The following NCAPH variants were observed in gnomAD, a reference collection of about 807,000 sequenced individuals.
NCAPH encodes condensin complex subunit 2.
Under a neutral mutation model 85.5 loss-of-function variants are expected in NCAPH, and 38 were observed. That is an observed-to-expected ratio of 0.44 (90% confidence interval 0.34 to 0.58). The LOEUF is 0.58. Ranked by LOEUF, NCAPH falls within the 20% of genes least tolerant of loss-of-function variation. The probability of loss-of-function intolerance (pLI) is 0.01; values close to 1 mark genes in which losing one functional copy is unlikely to be tolerated. For synonymous variants in NCAPH, 301 were observed against 335.1 expected, an observed-to-expected ratio of 0.90 and a Z score of 1.11; for missense variants, 789 against 916.6, an observed-to-expected ratio of 0.86 and a Z score of 1.80.
chr2:96,367,528 A>G (rs1230833855), intron 15 of NCAPH, among the ~76,000 whole-genome samples, 155 bp downstream of exon 15: 1 of 152,202 alleles, frequency 6.6e-6, no homozygotes, highest in Non-Finnish European at 1.5e-5. Context: ...CACACGTGTA[A>G]TCCCAGCATT....
chr2:96,363,956 A>G (rs1290004144), intron 12 of NCAPH, among the ~76,000 whole-genome samples: 1 of 152,014 alleles, frequency 6.6e-6, no homozygotes, highest in East Asian at 1.9e-4. Flanking sequence ...GACCACAGGC[A>G]CACAGCACCA....
chr2:96,370,383 G>A (rs1363208673), intron 17 of NCAPH, among the ~76,000 whole-genome samples: 4 of 152,218 alleles, frequency 2.6e-5, no homozygotes, highest in Admixed American at 6.5e-5. Flanking sequence ...GGTTTTGGAG[G>A]GTGATTATGG....
In NCAPH at chr2:96,360,251, T is replaced by C. The variant is rs1271551992; in HGVS notation, c.1464+2T>C. ...GATGTATATTTTAGAAAAACAAAGG[T>C]TTGTACTGAATTTATTAGGATTGTG... On this transcript the variant is annotated splice_donor_variant, in intron 11 of 17. Transcript: ENST00000240423. LOFTEE classifies it high-confidence loss of function. The C allele has an allele frequency of 1.4e-6, 2 of 1,411,302 alleles. No individual in the cohort carries two copies. The highest frequency in any genetic ancestry group is 4.6e-5 in the East Asian group (2 of 43,814). The allele number at this position is 1,411,302 out of a possible 1,614,324, so 87.4% of individuals were successfully genotyped here.
chr2:96,344,019 G>A (rs1186044023), intron 5 of NCAPH, 86 bp from the exon 6 acceptor site: 11 of 1,509,084 alleles, frequency 7.3e-6, no homozygotes, highest in African/African-American at 2.8e-5. Flanking sequence ...TTTAAATTAC[G>A]ACAGGTTTTG....
At chr2:96,339,051 T>C (rs1014405233) in intron 1 of NCAPH, among the ~76,000 whole-genome samples, 2 of 152,148 alleles carry the variant, frequency 1.3e-5, no homozygotes, top group African/African-American at 4.8e-5. Context: ...GACCTCATGA[T>C]CTGCTCGCCT....
At chr2:96,342,006 T>A in intron 2 of NCAPH, 44 bp from the exon 3 acceptor site, 1 of 1,604,206 alleles carries the variant, frequency 6.2e-7, no homozygotes, top group Non-Finnish European at 8.5e-7. Context: ...ATTTAAACTA[T>A]CATGGATTCT....
intron 7 of NCAPH, among the ~76,000 whole-genome samples, chr2:96,352,549 G>A (rs1167572493): frequency 1.3e-5 from 2 of 152,136 alleles, no homozygotes; most frequent in Non-Finnish European, 2.9e-5. Context: ...ACGCCTCCAC[G>A]CCTGAGTTGG....
intron 15 of NCAPH, among the ~76,000 whole-genome samples, chr2:96,368,420 G>A (rs1180744102): frequency 6.6e-6 from 1 of 152,194 alleles, no homozygotes; most frequent in Admixed American, 6.5e-5. Context: ...ACTTTGGGAG[G>A]CCGAGGTGGG....
intron 6 of NCAPH, 91 bp from the exon 7 acceptor site, chr2:96,351,740 C>A: frequency 1.8e-6 from 2 of 1,086,442 alleles, no homozygotes; most frequent in Non-Finnish European, 2.6e-6. Context: ...AGTGTATATA[C>A]CTGCTAATGA....
chr2:96,335,770 C>G lies in NCAPH; in HGVS notation c.-60C>G. The G allele has an allele frequency of 6.9e-7, 1 of 1,451,138 alleles. No individual in the cohort carries two copies. The highest frequency in any genetic ancestry group is 9.1e-7 in the Non-Finnish European group (1 of 1,102,064). 89.9% of individuals were successfully genotyped at this position (1,451,138 alleles called of 1,614,324 possible). On this transcript the variant is annotated 5_prime_UTR_variant, in exon 1 of 18. Transcript: ENST00000240423. ...CGCCGGCGACGTCACGCGGCCGTTA[C>G]GGCGCTCAGGCGTCTCGACGCGCGC... is the stretch of plus-strand genomic sequence containing the variant.
chr2:96,369,017 G>A lies in NCAPH; in HGVS notation c.2044G>A (p.Ala682Thr), dbSNP rs903278993. 16 of 1,556,674 alleles carry A rather than the reference G, an allele frequency of 1.0e-5. No homozygotes were observed. The highest frequency in any genetic ancestry group is 1.3e-5 in the Non-Finnish European group (15 of 1,149,778). Residue 682 changes from alanine (A) to threonine (T), a missense_variant, in exon 16 of 18, where the codon GCT becomes ACT. Physicochemically the swap from Ala to Thr is moderately conservative, Grantham distance 58 (BLOSUM62 0). Transcript: ENST00000240423. Reference sequence around the variant, plus strand: ...AAAAGAAGCGGCCCTGGCAGAAGTGGCTGACGAGAAGATGCTTAGCGGGCT... The same window carrying A: ...AAAAGAAGCGGCCCTGGCAGAAGTGACTGACGAGAAGATGCTTAGCGGGCT... The part of the protein sequence containing the change: ...AGKEAALAEV[A>T]DEKMLSGLTK...
At chr2:96,348,345 A>G (rs567092450) in intron 6 of NCAPH, among the ~76,000 whole-genome samples, 2 of 151,860 alleles carry the variant, frequency 1.3e-5, no homozygotes, top group South Asian at 4.2e-4. Context: ...ACCCGCCACC[A>G]TGCCCGGCTA....
At chr2:96,350,147 T>A (rs1444101476) in intron 6 of NCAPH, among the ~76,000 whole-genome samples, 1 of 152,246 alleles carries the variant, frequency 6.6e-6, no homozygotes, top group Non-Finnish European at 1.5e-5. Context: ...TAAGGCCTTT[T>A]ATTGTGGTCC....
rs547568243 is a variant in NCAPH, at chr2:96,344,542, G to A, written c.720+313G>A. On this transcript the variant is annotated intron_variant, in intron 6 of 17. Coordinates refer to ENST00000240423, the MANE Select transcript of NCAPH (RefSeq NM_015341.5). ...AGCTAACATTTAATGTACACATAGT[G>A]AGCACCATGTGCTTCCTTAAGCCTG... 7.9e-5 allele frequency among the ~76,000 whole-genome samples: 12 copies of A among 152,320 alleles called. No individual in the cohort carries two copies. In the South Asian group the frequency reaches 2.5e-3, roughly 32 times the overall value.
intron 13 of NCAPH, among the ~76,000 whole-genome samples, chr2:96,365,381 T>G (rs1171631389): frequency 6.6e-6 from 1 of 152,090 alleles, no homozygotes. Flanking sequence ...TAAGGACTGA[T>G]TCCTGACCTG....
At chr2:96,339,159 A>G (rs1321884178) in intron 1 of NCAPH, among the ~76,000 whole-genome samples, 1 of 152,232 alleles carries the variant, frequency 6.6e-6, no homozygotes, top group Non-Finnish European at 1.5e-5. Flanking sequence ...GACAGCAGCC[A>G]TAGAAAACTA....
chr2:96,341,543 C>G (rs1321793373), intron 1 of NCAPH, 99 bp from the exon 2 acceptor site: 7 of 1,418,344 alleles, frequency 4.9e-6, no homozygotes, highest in African/African-American at 1.4e-5. Flanking sequence ...TCTCAGTGGA[C>G]AGTGTGTGGT....
intron 3 of NCAPH, among the ~76,000 whole-genome samples, chr2:96,342,352 C>T (rs978651054): frequency 5.3e-5 from 8 of 152,158 alleles, no homozygotes; most frequent in South Asian, 2.1e-4. Flanking sequence ...GGCAGCATGG[C>T]GCATGAGTTA....
Position 96,341,638 on chromosome 2 carries a change from C to T in NCAPH, c.20-4C>T. 1.2e-6 allele frequency: 2 copies of T among 1,606,178 alleles called. No homozygotes were observed. The highest frequency in any genetic ancestry group is 1.7e-6 in the Non-Finnish European group (2 of 1,174,984). ...AGGTTTCTTGAGCAAGAATTTTGTT[C>T]CAGCACTGCCAGCCACAATGAATAA... On this transcript the variant is annotated splice_region_variant and splice_polypyrimidine_tract_variant and intron_variant, in intron 1 of 17. Coordinates refer to ENST00000240423, the MANE Select transcript of NCAPH (RefSeq NM_015341.5).
Sources: allele counts gnomAD v4.1 joint callset (sites outside exome capture counted in the v4.1 genomes callset), GRCh38; gene constraint gnomAD v4.1.1; transcripts MANE v1.5; gene names NCBI Gene and HGNC (gene_info 2026-07-23, HGNC 2026-07-21).